Variants in LMX1A observed in about 807,000 individuals in gnomAD.
LMX1A encodes the protein LIM homeobox transcription factor 1-alpha.
In LMX1A, 15 loss-of-function variants were observed where a neutral mutation model predicts 49.1. That is an observed-to-expected ratio of 0.31 (90% CI 0.20 to 0.47). LMX1A has a LOEUF of 0.47. Among genes scored for constraint, LMX1A ranks in the 20% least tolerant of loss-of-function variants. The pLI is 1.00. For missense variants in LMX1A, 372 were observed against 475.8 expected, an observed-to-expected ratio of 0.78 and a Z score of 2.03; for synonymous variants, 167 against 185.7, an observed-to-expected ratio of 0.90 and a Z score of 0.82.
intron 3 of LMX1A, among the ~76,000 whole-genome samples, chr1:165,318,609 G>A (rs890431345): frequency 3.3e-5 from 5 of 152,104 alleles, no homozygotes; most frequent in Non-Finnish European, 4.4e-5. Flanking sequence ...TTGACTCAAT[G>A]AGATGTAAGT....
chr1:165,261,271 T>G (rs913700032), intron 3 of LMX1A, among the ~76,000 whole-genome samples: 4 of 152,192 alleles, frequency 2.6e-5, no homozygotes, highest in African/African-American at 9.7e-5. Flanking sequence ...CTTCAATTTT[T>G]TAACACTTTT....
intron 3 of LMX1A, among the ~76,000 whole-genome samples, chr1:165,295,972 C>A (rs777111156): frequency 6.6e-6 from 1 of 152,164 alleles, no homozygotes; most frequent in African/African-American, 2.4e-5. Flanking sequence ...CTAAATATTT[C>A]TTTGGCCAGA....
intron 3 of LMX1A, among the ~76,000 whole-genome samples, chr1:165,319,376 A>G (rs1655316121): frequency 6.6e-6 from 1 of 152,168 alleles, no homozygotes; most frequent in Admixed American, 6.5e-5. Flanking sequence ...TATAAAAACT[A>G]AAAACACTTC....
intron 3 of LMX1A, among the ~76,000 whole-genome samples, chr1:165,264,148 A>T (rs1653541012): frequency 6.6e-6 from 1 of 151,200 alleles, no homozygotes; most frequent in Non-Finnish European, 1.5e-5. Flanking sequence ...GGGTAAAAAT[A>T]AAAAAAAACA....
chr1:165,345,752 G>C lies in LMX1A; in HGVS notation c.263+7324C>G, dbSNP rs555377067. Among the ~76,000 whole-genome samples the C allele has an allele frequency of 1.2e-4, 19 of 152,314 alleles. No individual in the cohort carries two copies. In the South Asian group the frequency reaches 3.7e-3, roughly 30 times the overall value. ...GTGCCTCTAAAGGCTAATTAGGCCA[G>C]GTGCAGTAGCTCATGCCTATAATCC... On this transcript the variant is annotated intron_variant, in intron 3 of 8. Coordinates refer to ENST00000342310, the MANE Select transcript of LMX1A (RefSeq NM_177398.4).
At chr1:165,288,386 C>G (rs1654357350) in intron 3 of LMX1A, among the ~76,000 whole-genome samples, 1 of 152,142 alleles carries the variant, frequency 6.6e-6, no homozygotes, top group South Asian at 2.1e-4. Flanking sequence ...GGAGTCAAAC[C>G]CATCACCCCT....
chr1:165,230,841 A>G (rs1342224975), intron 4 of LMX1A, among the ~76,000 whole-genome samples: 1 of 152,086 alleles, frequency 6.6e-6, no homozygotes, highest in Non-Finnish European at 1.5e-5. Flanking sequence ...CCCCATTCCA[A>G]GTGTCTGTCA....
chr1:165,333,345 G>C (rs1372921117), intron 3 of LMX1A, among the ~76,000 whole-genome samples: 1 of 152,096 alleles, frequency 6.6e-6, no homozygotes, highest in Non-Finnish European at 1.5e-5. Context: ...TTTTAGTAGA[G>C]ACAGGGTTTC....
chr1:165,316,412 G>A (rs541931488), intron 3 of LMX1A, among the ~76,000 whole-genome samples: 7 of 152,294 alleles, frequency 4.6e-5, no homozygotes, highest in East Asian at 1.9e-4. Flanking sequence ...CCAGCACCAC[G>A]GTCACTTTGA....
At chr1:165,208,867 T>G (rs1651227725) in intron 6 of LMX1A, among the ~76,000 whole-genome samples, 1 of 152,164 alleles carries the variant, frequency 6.6e-6, no homozygotes, top group African/African-American at 2.4e-5. Flanking sequence ...CAGGATGGTC[T>G]CGATCTCCTG....
chr1:165,310,129 AG>A (rs1395297736), intron 3 of LMX1A, among the ~76,000 whole-genome samples: 15 of 152,340 alleles, frequency 9.8e-5, no homozygotes, highest in African/African-American at 3.6e-4. Context: ...TGTCCACCAC[AG>A]TGGCTTGATA....
At chr1:165,336,638 A>G (rs1370256772) in intron 3 of LMX1A, among the ~76,000 whole-genome samples, 5 of 152,016 alleles carry the variant, frequency 3.3e-5, no homozygotes, top group African/African-American at 4.8e-5. Flanking sequence ...CAACCCCTCC[A>G]CCTACACCGT....
At chr1:165,230,407 AC>A (rs35052733) in intron 4 of LMX1A, among the ~76,000 whole-genome samples, 1 of 151,892 alleles carries the variant, frequency 6.6e-6, no homozygotes, top group Non-Finnish European at 1.5e-5. Flanking sequence ...GCCCAAGGAA[AC>A]CCCCCCAGTT....
chr1:165,319,961 G>T (rs1655336295), intron 3 of LMX1A, among the ~76,000 whole-genome samples: 1 of 152,076 alleles, frequency 6.6e-6, no homozygotes, highest in Non-Finnish European at 1.5e-5. Flanking sequence ...CTTTGTCAGG[G>T]TTATAGTTCT....
intron 3 of LMX1A, among the ~76,000 whole-genome samples, chr1:165,263,823 G>T (rs1653532325): frequency 6.6e-6 from 1 of 152,154 alleles, no homozygotes; most frequent in South Asian, 2.1e-4. Context: ...AATCAAGTCT[G>T]CCATTATATC....
intron 6 of LMX1A, among the ~76,000 whole-genome samples, chr1:165,209,866 G>A (rs143320227): frequency 8.2e-4 from 125 of 152,316 alleles, no homozygotes; most frequent in African/African-American, 2.9e-3. Context: ...CCTGGAGCTT[G>A]CAATTGGCAT....
chr1:165,210,843 A>G (rs900076071), intron 5 of LMX1A, 67 bp from the exon 6 acceptor site: 138 of 1,205,456 alleles, frequency 1.1e-4, no homozygotes, highest in Non-Finnish European at 1.5e-4. Context: ...AACATCTCCT[A>G]TATAATACTT....
At chr1:165,230,969 A>G (rs758218708) in intron 4 of LMX1A, among the ~76,000 whole-genome samples, 1 of 152,164 alleles carries the variant, frequency 6.6e-6, no homozygotes, top group Non-Finnish European at 1.5e-5. Flanking sequence ...CATGCACTCA[A>G]CTCAGAGGGT....
intron 3 of LMX1A, among the ~76,000 whole-genome samples, chr1:165,351,079 C>A (rs1218294837): frequency 6.6e-6 from 1 of 152,224 alleles, no homozygotes; most frequent in Non-Finnish European, 1.5e-5. Context: ...ACAACTGTTT[C>A]TTCTCCTCTT....
Sources: gnomAD v4.1 joint callset for allele counts (sites outside exome capture counted in the v4.1 genomes callset) on GRCh38, gnomAD v4.1.1 for gene constraint, MANE v1.5 for transcripts, NCBI Gene and HGNC (gene_info 2026-07-23, HGNC 2026-07-21) for gene names.